HMCN1: variants seen among roughly 807,000 people sequenced by gnomAD.
HMCN1 encodes the protein hemicentin 1.
In HMCN1, 321 loss-of-function variants were observed where a neutral mutation model predicts 625.9. That is an observed-to-expected ratio of 0.51 (90% CI 0.47 to 0.56). The LOEUF (loss-of-function observed/expected upper bound fraction) is 0.56, where lower values mean the gene tolerates loss of function less well. HMCN1 is among the 20% of genes least tolerant of loss of function. The probability of loss-of-function intolerance (pLI) is 0.00; values close to 1 mark genes in which losing one functional copy is unlikely to be tolerated. For missense variants in HMCN1, 6,588 were observed against 6,887.3 expected (o/e 0.96, Z 1.54); for synonymous variants, 2,425 against 2,417.6 (o/e 1.00, Z -0.09).
In HMCN1 at chr1:186,153,660, T is replaced by TC. The variant is rs1650808611; in HGVS notation, c.15019-86dup. Reference sequence around the variant, plus strand: ...GTGTTTTTTAGCTCCTAATCCTTTTTCCCCGCTCATTCTGCATTTCATAGT... The same window carrying TC: ...GTGTTTTTTAGCTCCTAATCCTTTTTCCCCCGCTCATTCTGCATTTCATAGT... On this transcript the variant is annotated intron_variant, in intron 96 of 106. Coordinates refer to ENST00000271588, the MANE Select transcript of HMCN1 (RefSeq NM_031935.3). 2.9e-6 allele frequency: 3 copies of TC among 1,021,796 alleles called. No homozygotes were observed. In the African/African-American group the frequency reaches 4.7e-5, roughly 16 times the overall value. 63.3% of individuals were successfully genotyped at this position (1,021,796 alleles called of 1,614,324 possible).
intron 36 of HMCN1, among the ~76,000 whole-genome samples, chr1:186,036,694 G>A (rs1291515248): frequency 6.6e-6 from 1 of 151,734 alleles, no homozygotes; most frequent in African/African-American, 2.4e-5. Flanking sequence ...AAGTTGAAGC[G>A]ATTCTCCTGT....
chr1:186,114,580 A>G (rs1042142055), intron 73 of HMCN1, among the ~76,000 whole-genome samples: 2 of 152,148 alleles, frequency 1.3e-5, no homozygotes, highest in African/African-American at 4.8e-5. Context: ...TTTTAAAAGC[A>G]TAATCCCTAA....
chr1:185,736,189 C>T (rs1017233677), intron 1 of HMCN1, among the ~76,000 whole-genome samples: 4 of 152,086 alleles, frequency 2.6e-5, no homozygotes, highest in Non-Finnish European at 4.4e-5. Context: ...ATAGAACTCT[C>T]GGATTTTCAT....
chr1:186,015,435 A>G lies in HMCN1; in HGVS notation c.4907A>G (p.Tyr1636Cys), dbSNP rs1435540855. 5.0e-6 allele frequency: 8 copies of G among 1,613,050 alleles called. No homozygotes were observed. Among genetic ancestry groups the G allele is most frequent in the African/African-American group, 4.0e-5 (3 of 74,882 alleles). ...TAEKSFHVDV[Y>C]VPPMIEGNLA... ...GAAAAATCATTCCATGTGGATGTCT[A>G]TGGTGAGGAACAACATATGCTTTAA... is the stretch of plus-strand genomic sequence containing the variant. The change falls in exon 31 of 107, where the codon TAT becomes TGT. Residue 1636 changes from tyrosine to cysteine, a missense_variant and splice_region_variant. By Grantham distance (194) the Tyr-to-Cys change is radical. Around this residue, in one of 3 missense-constraint regions of HMCN1, gnomAD observed 4,628 missense variants for 4,853.1 expected, o/e 0.95. Coordinates refer to ENST00000271588, the MANE Select transcript of HMCN1 (RefSeq NM_031935.3).
chr1:185,989,162 C>T (rs746267577), intron 20 of HMCN1, among the ~76,000 whole-genome samples: 23 of 151,996 alleles, frequency 1.5e-4, no homozygotes, highest in Non-Finnish European at 3.1e-4. Context: ...TGCCTGCCAC[C>T]TCGCCCGGCT....
intron 52 of HMCN1, among the ~76,000 whole-genome samples, chr1:186,074,089 A>T (rs1391910520): frequency 6.6e-6 from 1 of 152,072 alleles, no homozygotes; most frequent in Non-Finnish European, 1.5e-5. Flanking sequence ...TAAAATTTTC[A>T]ATGAATGAGG....
intron 35 of HMCN1, 118 bp from the exon 36 acceptor site, chr1:186,022,912 A>G (rs1460083491): frequency 1.4e-5 from 14 of 1,015,244 alleles, no homozygotes; most frequent in Non-Finnish European, 2.1e-5. Context: ...TTATTAAGAT[A>G]TTGGCATGAA....
chr1:186,077,603 TTATA>T (rs1471878455), intron 54 of HMCN1, among the ~76,000 whole-genome samples: 4 of 152,118 alleles, frequency 2.6e-5, no homozygotes, highest in Non-Finnish European at 5.9e-5. Flanking sequence ...GTAAAAGTCT[TTATA>T]TAATTATTGC....
intron 97 of HMCN1, among the ~76,000 whole-genome samples, chr1:186,163,592 G>T (rs1651673564): frequency 6.6e-6 from 1 of 152,130 alleles, no homozygotes; most frequent in African/African-American, 2.4e-5. Flanking sequence ...TGTTCTGAAT[G>T]AAACAGTCCA....
chr1:186,015,138 T>G, intron 30 of HMCN1, 21 bp from the exon 31 acceptor site: 3 of 1,610,590 alleles, frequency 1.9e-6, no homozygotes, highest in Non-Finnish European at 2.5e-6. Flanking sequence ...TGACTTGTTT[T>G]TGTTCTGAAA....
intron 11 of HMCN1, among the ~76,000 whole-genome samples, chr1:185,955,978 A>G (rs1649600049): frequency 6.6e-6 from 1 of 152,172 alleles, no homozygotes; most frequent in Non-Finnish European, 1.5e-5. Context: ...GAAGCATCTC[A>G]TAAACCACTG....
intron 105 of HMCN1, among the ~76,000 whole-genome samples, chr1:186,184,578 C>T (rs1653160928): frequency 6.6e-6 from 1 of 152,150 alleles, no homozygotes; most frequent in African/African-American, 2.4e-5. Context: ...AATTTGGAAA[C>T]ATTCTATGAG....
chr1:186,155,684 CTGTA>C lies in HMCN1; in HGVS notation c.15256+1700_15256+1703del, dbSNP rs200054870. Among the ~76,000 whole-genome samples the C allele has an allele frequency of 7.9e-5, 12 of 152,282 alleles. No individual in the cohort carries two copies. The East Asian group carries it at 2.1e-3, about 27-fold the overall frequency. ...GGGTCCCACAATATAAAGAAACACA[CTGTA>C]TGACCTTTAAGGCCCCTTACTATCC... On this transcript the variant is annotated intron_variant, in intron 97 of 106. Coordinates refer to ENST00000271588, the MANE Select transcript of HMCN1 (RefSeq NM_031935.3).
At chr1:185,981,328 A>G (rs1023884412) in intron 17 of HMCN1, among the ~76,000 whole-genome samples, 6 of 140,612 alleles carry the variant, frequency 4.3e-5, no homozygotes, top group African/African-American at 1.5e-4. Flanking sequence ...ACACACATGC[A>G]CACACACACA....
Position 185,950,680 on chromosome 1 carries a change from A to G in HMCN1, c.1829-11838A>G, listed in dbSNP as rs550810191. Among the ~76,000 whole-genome samples, 16 of 151,958 alleles carry G rather than the reference A, an allele frequency of 1.1e-4. 1 individual carries two copies. The highest frequency in any genetic ancestry group is 5.9e-4 in the Admixed American group (9 of 15,270). ...GTGAAGCTTTGCAGCAGTACAGCCT[A>G]GGTAATTTGCTGAGCTTGATGGGTG... On this transcript the variant is annotated intron_variant, in intron 11 of 106. Transcript: ENST00000271588.
At chr1:185,994,221 G>T (rs1490736687) in intron 23 of HMCN1, among the ~76,000 whole-genome samples, 1 of 152,110 alleles carries the variant, frequency 6.6e-6, no homozygotes. Flanking sequence ...ATGCAAGTAT[G>T]TGGAAATCAG....
chr1:185,914,406 TTTTTGAATG>T (rs1666588593), intron 6 of HMCN1, among the ~76,000 whole-genome samples: 1 of 152,142 alleles, frequency 6.6e-6, no homozygotes, highest in African/African-American at 2.4e-5. Flanking sequence ...TAATATTGGC[TTTTTGAATG>T]TTTCACATAA....
At chr1:186,147,580 C>G (rs934520024) in intron 93 of HMCN1, among the ~76,000 whole-genome samples, 1 of 151,962 alleles carries the variant, frequency 6.6e-6, no homozygotes, top group Non-Finnish European at 1.5e-5. Flanking sequence ...TATTTCTCTC[C>G]AATATATAAT....
intron 1 of HMCN1, among the ~76,000 whole-genome samples, chr1:185,766,135 C>G (rs1655855405): frequency 6.6e-6 from 1 of 152,096 alleles, no homozygotes. Context: ...TAAACCAAAG[C>G]AAAGTTCTAT....
Sources: gnomAD v4.1 joint callset for allele counts (sites outside exome capture counted in the v4.1 genomes callset) on GRCh38, gnomAD v4.1.1 for gene constraint, gnomAD v4.1.1 regional missense constraint, MANE v1.5 for transcripts, NCBI Gene and HGNC (gene_info 2026-07-23, HGNC 2026-07-21) for gene names.